The following PDZD2 variants were observed in gnomAD, a reference collection of about 807,000 sequenced individuals.
PDZD2 encodes PDZ domain-containing protein 2.
PDZD2 carries 90 observed loss-of-function variants against 220.7 expected under a neutral mutation model. The ratio of observed to expected loss-of-function variants is 0.41; its 90% confidence interval spans 0.34 to 0.49. The LOEUF (loss-of-function observed/expected upper bound fraction) is 0.49, where lower values mean the gene tolerates loss of function less well. PDZD2 is among the 20% of genes least tolerant of loss of function. The probability of loss-of-function intolerance (pLI) is 0.28; values close to 1 mark genes in which losing one functional copy is unlikely to be tolerated. For missense variants in PDZD2, 3,174 were observed against 3,608.5 expected, an observed-to-expected ratio of 0.88 and a Z score of 3.08; for synonymous variants, 1,375 against 1,450.5, an observed-to-expected ratio of 0.95 and a Z score of 1.18.
At chr5:32,074,900 T>C (rs151864) in intron 18 of PDZD2, among the ~76,000 whole-genome samples, 36,517 of 151,418 alleles carry the variant, frequency 0.24, 4,792 homozygotes, top group East Asian at 0.46. Flanking sequence ...AACCTCCGCC[T>C]CCCAGGTTCA....
chr5:32,028,827 C>T (rs1401420508), intron 6 of PDZD2, among the ~76,000 whole-genome samples: 1 of 152,024 alleles, frequency 6.6e-6, no homozygotes, highest in Non-Finnish European at 1.5e-5. Flanking sequence ...GGATTATAGA[C>T]ATGTGCCACC....
At chr5:31,834,809 A>C (rs1389257286) in intron 2 of PDZD2, among the ~76,000 whole-genome samples, 1 of 152,044 alleles carries the variant, frequency 6.6e-6, no homozygotes, top group African/African-American at 2.4e-5. Flanking sequence ...GGTGCAGCAC[A>C]CCAACATGGC....
intron 2 of PDZD2, among the ~76,000 whole-genome samples, chr5:31,859,776 G>A (rs1737509830): frequency 6.6e-6 from 1 of 152,180 alleles, no homozygotes; most frequent in Non-Finnish European, 1.5e-5. Flanking sequence ...CCCAAGAATA[G>A]TTCCTTCTTA....
chr5:31,682,166 G>T (rs1746675801), intron 1 of PDZD2, among the ~76,000 whole-genome samples: 2 of 152,218 alleles, frequency 1.3e-5, no homozygotes, highest in Non-Finnish European at 2.9e-5. Context: ...TGAAGCAGCT[G>T]CTGTGTGTTT....
At chr5:31,883,060 C>T (rs1182592011) in intron 2 of PDZD2, among the ~76,000 whole-genome samples, 4 of 135,010 alleles carry the variant, frequency 3.0e-5, no homozygotes, top group Non-Finnish European at 6.3e-5. Flanking sequence ...GCCCAGGGGG[C>T]ATAAGAAAGA....
At chr5:32,064,230 T>C (rs1465054179) in intron 14 of PDZD2, among the ~76,000 whole-genome samples, 1 of 151,880 alleles carries the variant, frequency 6.6e-6, no homozygotes, top group Admixed American at 6.6e-5. Flanking sequence ...AGGAACCAAC[T>C]CAATTCACTT....
intron 5 of PDZD2, among the ~76,000 whole-genome samples, chr5:32,003,314 ACCCCACACACACACCCC>A (rs1752473283): frequency 1.5e-5 from 1 of 66,542 alleles, no homozygotes; most frequent in Non-Finnish European, 2.9e-5. Flanking sequence ...CACCACACAC[ACCCCACACACACACCCC>A]CACCACACCA....
chr5:31,875,577 C>G (rs545058307), intron 2 of PDZD2, among the ~76,000 whole-genome samples: 1 of 140,872 alleles, frequency 7.1e-6, no homozygotes. Flanking sequence ...CAGAGTGAGA[C>G]CCTGTTCAAA....
At chr5:32,074,689 T>A in intron 18 of PDZD2, 46 bp downstream of exon 18, 1 of 1,276,684 alleles carries the variant, frequency 7.8e-7, no homozygotes, top group Non-Finnish European at 1.1e-6. Context: ...TGCATGAATA[T>A]GTGTGAGTGA....
intron 2 of PDZD2, among the ~76,000 whole-genome samples, chr5:31,872,920 A>G (rs1738957252): frequency 6.6e-6 from 1 of 152,190 alleles, no homozygotes; most frequent in Non-Finnish European, 1.5e-5. Context: ...TTGGCGTTGC[A>G]GGACTAGTAG....
chr5:31,689,353 A>ATATTTTT, intron 1 of PDZD2, among the ~76,000 whole-genome samples: 5 of 35,122 alleles, frequency 1.4e-4, no homozygotes, highest in African/African-American at 2.1e-4. Context: ...ATATATATAT[A>ATATTTTT]TTTTTTTTTT....
chr5:31,770,297 C>G (rs186559643), intron 1 of PDZD2, among the ~76,000 whole-genome samples: 2 of 152,336 alleles, frequency 1.3e-5, no homozygotes, highest in Non-Finnish European at 2.9e-5. Context: ...TAAAGAAAAT[C>G]TCCCAGGGCT....
chr5:31,963,928 AC>A (rs1283075985), intron 2 of PDZD2, among the ~76,000 whole-genome samples: 3 of 152,008 alleles, frequency 2.0e-5, no homozygotes, highest in Non-Finnish European at 4.4e-5. Flanking sequence ...CCCTCACAAT[AC>A]GTCTTTGCCT....
chr5:31,931,760 T>G (rs974798353), intron 2 of PDZD2, among the ~76,000 whole-genome samples: 4 of 152,118 alleles, frequency 2.6e-5, no homozygotes, highest in African/African-American at 9.7e-5. Context: ...TGGGACAGAT[T>G]TGACAGCTAA....
chr5:31,697,662 G>A (rs1355582077), intron 1 of PDZD2, among the ~76,000 whole-genome samples: 1 of 152,048 alleles, frequency 6.6e-6, no homozygotes, highest in Non-Finnish European at 1.5e-5. Context: ...TGTTCCTCTG[G>A]CCCTGAACCA....
At chr5:31,939,956 A>G (rs922633603) in intron 2 of PDZD2, among the ~76,000 whole-genome samples, 3 of 152,244 alleles carry the variant, frequency 2.0e-5, no homozygotes, top group Non-Finnish European at 4.4e-5. Flanking sequence ...AAAACTTGTG[A>G]CCATGTCTAT....
At chr5:32,055,667 C>T (rs564512576) in intron 10 of PDZD2, among the ~76,000 whole-genome samples, 34 of 152,200 alleles carry the variant, frequency 2.2e-4, no homozygotes, top group African/African-American at 7.7e-4. Flanking sequence ...TTGTGTTATA[C>T]GGGTTCTTTT....
chr5:31,955,851 C>T (rs1369628468), intron 2 of PDZD2, among the ~76,000 whole-genome samples: 2 of 152,018 alleles, frequency 1.3e-5, no homozygotes, highest in Non-Finnish European at 2.9e-5. Flanking sequence ...TCACTTTTCT[C>T]AAGATATTTT....
At chr5:32,013,879 A>T (rs1210557544) in intron 6 of PDZD2, among the ~76,000 whole-genome samples, 1 of 151,926 alleles carries the variant, frequency 6.6e-6, no homozygotes, top group Non-Finnish European at 1.5e-5. Flanking sequence ...AACACCCATC[A>T]TTTCTCAGCC....
Sources: allele counts gnomAD v4.1 joint callset (sites outside exome capture counted in the v4.1 genomes callset), GRCh38; gene constraint gnomAD v4.1.1; transcripts MANE v1.5; gene names NCBI Gene and HGNC (gene_info 2026-07-23, HGNC 2026-07-21).